The following TENM2 variants were observed in gnomAD, a reference collection of about 807,000 sequenced individuals.
TENM2 encodes the protein teneurin transmembrane protein 2.
Under a neutral mutation model 245.2 loss-of-function variants are expected in TENM2, and 52 were observed. That is an observed-to-expected ratio of 0.21 (90% CI 0.17 to 0.27). The LOEUF is 0.27. Ranked by LOEUF, TENM2 falls within the 10% of genes least tolerant of loss-of-function variation. The pLI is 1.00. For synonymous variants in TENM2, 1,363 were observed against 1,438.9 expected (o/e 0.95, Z 1.19); for missense variants, 3,046 against 3,666.8 (o/e 0.83, Z 4.37).
chr5:167,676,067 GC>G (rs1396151527), intron 2 of TENM2, among the ~76,000 whole-genome samples: 2 of 152,098 alleles, frequency 1.3e-5, no homozygotes, highest in East Asian at 3.9e-4. Context: ...TATTATCTAA[GC>G]CCTGGATCAC....
chr5:167,771,387 C>A (rs935851252), intron 2 of TENM2, among the ~76,000 whole-genome samples: 1 of 152,002 alleles, frequency 6.6e-6, no homozygotes, highest in East Asian at 1.9e-4. Context: ...TTATCTTTTC[C>A]GTTGGACTCA....
At chr5:167,947,937 G>A (rs1304988350) in intron 3 of TENM2, among the ~76,000 whole-genome samples, 1 of 152,140 alleles carries the variant, frequency 6.6e-6, no homozygotes, top group Non-Finnish European at 1.5e-5. Flanking sequence ...TATGGCGCAA[G>A]ACAAGCCTGG....
intron 1 of TENM2, among the ~76,000 whole-genome samples, chr5:167,301,082 G>A (rs1202747698): frequency 1.3e-5 from 2 of 152,158 alleles, no homozygotes; most frequent in African/African-American, 4.8e-5. Flanking sequence ...ACTTTCCACT[G>A]TGAGAGTTAC....
chr5:167,895,722 T>G lies in TENM2; in HGVS notation c.712+19527T>G, dbSNP rs539548418. Among the ~76,000 whole-genome samples the G allele has an allele frequency of 2.6e-5, 4 of 152,348 alleles. No homozygotes were observed. The South Asian group carries it at 8.3e-4, about 32-fold the overall frequency. ...TAGCAGGCTCCCAGGTGATGCCTGT[T>G]TCTCTGGCCTGGGGCCCACATTTTG... On this transcript the variant is annotated intron_variant, in intron 3 of 28. Transcript: ENST00000518659.
intron 3 of TENM2, among the ~76,000 whole-genome samples, chr5:167,885,006 GTTCTT>G (rs1357464384): frequency 6.6e-6 from 1 of 152,102 alleles, no homozygotes. Context: ...CTAATGATTA[GTTCTT>G]TTCATGTGCT....
chr5:167,159,538 T>A, the TENM2 span, among the ~76,000 whole-genome samples: 1 of 152,138 alleles, frequency 6.6e-6, no homozygotes, highest in Admixed American at 6.6e-5. Context: ...ATTTAAGCAT[T>A]TCACAATGTA....
At chr5:167,142,710 C>T in the TENM2 span, among the ~76,000 whole-genome samples, 1 of 151,996 alleles carries the variant, frequency 6.6e-6, no homozygotes, top group Admixed American at 6.6e-5. Context: ...ACCACTATGC[C>T]CAGCTAATTT....
intron 2 of TENM2, among the ~76,000 whole-genome samples, chr5:167,753,130 C>T (rs979935793): frequency 5.3e-5 from 8 of 152,054 alleles, no homozygotes; most frequent in African/African-American, 1.2e-4. Context: ...AATTATGTTT[C>T]GTTTGAGATT....
At chr5:168,057,471 G>A (rs1789650094) in intron 6 of TENM2, among the ~76,000 whole-genome samples, 1 of 152,150 alleles carries the variant, frequency 6.6e-6, no homozygotes, top group African/African-American at 2.4e-5. Context: ...TATGGACATT[G>A]AGACTTTGAG....
chr5:167,886,287 A>T (rs1774281857), intron 3 of TENM2, among the ~76,000 whole-genome samples: 1 of 152,236 alleles, frequency 6.6e-6, no homozygotes, highest in African/African-American at 2.4e-5. Context: ...ATTTAAGTGA[A>T]TTTTTAAAAG....
At chr5:167,113,137 G>T in the TENM2 span, among the ~76,000 whole-genome samples, 778 of 152,218 alleles carry the variant, frequency 5.1e-3, 8 homozygotes, top group African/African-American at 0.018. Context: ...GTCACTGCCC[G>T]GGAGTTGTTA....
intron 2 of TENM2, among the ~76,000 whole-genome samples, chr5:167,500,930 T>G (rs1226267472): frequency 3.9e-5 from 6 of 152,144 alleles, no homozygotes; most frequent in Non-Finnish European, 8.8e-5. Context: ...TCACAACTGC[T>G]CATTTTTCTC....
At chr5:167,493,749 G>T (rs1334283757) in intron 2 of TENM2, among the ~76,000 whole-genome samples, 2 of 152,020 alleles carry the variant, frequency 1.3e-5, no homozygotes, top group Non-Finnish European at 2.9e-5. Flanking sequence ...TTCTGTAGGG[G>T]TCCACTCATT....
In TENM2 at chr5:168,039,173, T is replaced by G. The variant is rs116338788; in HGVS notation, c.1187-8254T>G. 6.3e-3 allele frequency among the ~76,000 whole-genome samples: 962 copies of G among 152,300 alleles called. 8 individuals are homozygous for G. Among genetic ancestry groups the G allele is most frequent in the Non-Finnish European group, 9.4e-3 (642 of 68,010 alleles). ...TGCACATCTACGGATCGATATGACA[T>G]CTTATCCTCTAAAACATTCATAATG... is the stretch of plus-strand genomic sequence containing the variant. On this transcript the variant is annotated intron_variant, in intron 5 of 28. Coordinates refer to ENST00000518659, the Ensembl canonical transcript of TENM2.
chr5:167,400,697 G>A (rs1193731112), intron 2 of TENM2, among the ~76,000 whole-genome samples: 1 of 152,062 alleles, frequency 6.6e-6, no homozygotes, highest in East Asian at 1.9e-4. Flanking sequence ...CCTTTTAGGG[G>A]ACAATCCAAG....
intron 2 of TENM2, among the ~76,000 whole-genome samples, chr5:167,623,550 A>G (rs1582574191): frequency 6.6e-6 from 1 of 152,018 alleles, no homozygotes; most frequent in East Asian, 1.9e-4. Context: ...GTGATTTTTT[A>G]TTACTGAATT....
intron 7 of TENM2, among the ~76,000 whole-genome samples, chr5:168,069,885 A>G (rs1307534666): frequency 6.6e-6 from 1 of 152,142 alleles, no homozygotes; most frequent in Non-Finnish European, 1.5e-5. Flanking sequence ...AAGCCTTGGT[A>G]AATATGGATC....
At chr5:166,988,477 T>C in the TENM2 span, among the ~76,000 whole-genome samples, 1 of 152,252 alleles carries the variant, frequency 6.6e-6, no homozygotes, top group Non-Finnish European at 1.5e-5. Flanking sequence ...AAATTGCAGA[T>C]TGCAGGATCT....
rs191285163 is a variant in TENM2 at position 168,061,523 on chromosome 5, T to C, written c.1310-537T>C. On this transcript the variant is annotated intron_variant, in intron 6 of 28. Coordinates refer to ENST00000518659, the Ensembl canonical transcript of TENM2. ...CATTAATATAAATGAAGGAGAGATG[T>C]TGTTTCTCTGCGGCTCTTAGACTTC... Among the ~76,000 whole-genome samples the C allele has an allele frequency of 2.0e-5, 3 of 152,312 alleles. No individual in the cohort carries two copies. The East Asian group carries it at 5.8e-4, about 29-fold the overall frequency.
Sources: gnomAD v4.1 joint callset for allele counts (sites outside exome capture counted in the v4.1 genomes callset) on GRCh38, gnomAD v4.1.1 for gene constraint, MANE v1.5 for transcripts, NCBI Gene and HGNC (gene_info 2026-07-23, HGNC 2026-07-21) for gene names.